The following PTPRD variants were observed in gnomAD, a reference collection of about 807,000 sequenced individuals.
PTPRD encodes protein tyrosine phosphatase receptor type D, also known as receptor-type tyrosine-protein phosphatase delta.
Under a neutral mutation model 214.5 loss-of-function variants are expected in PTPRD, and 34 were observed. That is an observed-to-expected ratio of 0.16 (90% CI 0.12 to 0.21). The LOEUF is 0.21. Ranked by LOEUF, PTPRD falls within the 10% of genes least tolerant of loss-of-function variation. The pLI, the probability that PTPRD is intolerant of heterozygous loss-of-function variation, is 1.00. For missense variants in PTPRD, 2,545 were observed against 2,398.7 expected, an observed-to-expected ratio of 1.06 and a Z score of -1.27; for synonymous variants, 1,128 against 845.7, an observed-to-expected ratio of 1.33 and a Z score of -5.79.
At chr9:8,831,872 A>G (rs1046069536) in intron 11 of PTPRD, among the ~76,000 whole-genome samples, 9 of 151,440 alleles carry the variant, frequency 5.9e-5, no homozygotes, top group Non-Finnish European at 1.0e-4. Context: ...CCAAATCACA[A>G]CGTTTTATGA....
chr9:8,483,433 C>A (rs1429141072), intron 30 of PTPRD, among the ~76,000 whole-genome samples: 3 of 152,080 alleles, frequency 2.0e-5, no homozygotes, highest in African/African-American at 7.2e-5. Context: ...CACCTATTCA[C>A]CTTATTCCAT....
chr9:9,814,820 T>C (rs1261755702), intron 5 of PTPRD, among the ~76,000 whole-genome samples: 1 of 131,030 alleles, frequency 7.6e-6, no homozygotes, highest in Non-Finnish European at 1.6e-5. Flanking sequence ...TTTTTTTCGA[T>C]ACAGAATTTC....
intron 37 of PTPRD, among the ~76,000 whole-genome samples, chr9:8,384,289 A>G (rs934700759): frequency 2.0e-5 from 3 of 152,150 alleles, no homozygotes; most frequent in Non-Finnish European, 2.9e-5. Flanking sequence ...GCTTATTGGC[A>G]TGTTATGAAA....
intron 8 of PTPRD, among the ~76,000 whole-genome samples, chr9:9,502,314 T>C (rs1195864660): frequency 6.6e-6 from 1 of 151,920 alleles, no homozygotes; most frequent in East Asian, 1.9e-4. Flanking sequence ...TTATACGCTC[T>C]GCTGCTGTGA....
At chr9:9,392,637 C>T (rs1316364100) in intron 9 of PTPRD, among the ~76,000 whole-genome samples, 1 of 152,070 alleles carries the variant, frequency 6.6e-6, no homozygotes, top group Non-Finnish European at 1.5e-5. Context: ...ATAAAGAGAT[C>T]CTTTCAAAGT....
At chr9:8,321,982 A>C (rs1027249370) in intron 44 of PTPRD, among the ~76,000 whole-genome samples, 1 of 151,936 alleles carries the variant, frequency 6.6e-6, no homozygotes, top group African/African-American at 2.4e-5. Flanking sequence ...GTAATATTTC[A>C]AATTTTTTCA....
chr9:9,634,251 T>C (rs536806907), intron 7 of PTPRD, among the ~76,000 whole-genome samples: 1 of 152,088 alleles, frequency 6.6e-6, no homozygotes, highest in Admixed American at 6.6e-5. Flanking sequence ...CTATAAACAT[T>C]AAAGTACCTA....
intron 11 of PTPRD, among the ~76,000 whole-genome samples, chr9:8,895,249 G>A (rs1262896886): frequency 6.6e-6 from 1 of 152,150 alleles, no homozygotes; most frequent in East Asian, 1.9e-4. Flanking sequence ...AAGCCTCTAT[G>A]AGACTATTTT....
chr9:10,477,387 T>C (rs1206906818), intron 2 of PTPRD, among the ~76,000 whole-genome samples: 1 of 152,020 alleles, frequency 6.6e-6, no homozygotes, highest in Non-Finnish European at 1.5e-5. Flanking sequence ...AAAAAGCTCA[T>C]CATCAGTGGT....
In PTPRD at chr9:8,982,941, C is replaced by T. The variant is rs566979564; in HGVS notation, c.-104+35756G>A. Among the ~76,000 whole-genome samples, 11 of 152,098 alleles carry T rather than the reference C, an allele frequency of 7.2e-5. No individual in the cohort carries two copies. In the South Asian group the frequency reaches 2.3e-3, roughly 32 times the overall value. On this transcript the variant is annotated intron_variant, in intron 11 of 45. Coordinates refer to ENST00000381196, the MANE Select transcript of PTPRD (RefSeq NM_002839.4). Reference sequence around the variant, plus strand: ...AATGTGGTCTCTCTGCATAGGGATACACTCTAGGGCTGACATTTGAGATTG... The same window carrying T: ...AATGTGGTCTCTCTGCATAGGGATATACTCTAGGGCTGACATTTGAGATTG...
intron 30 of PTPRD, among the ~76,000 whole-genome samples, chr9:8,481,759 T>C (rs1247459802): frequency 2.0e-5 from 3 of 150,820 alleles, no homozygotes; most frequent in Non-Finnish European, 4.4e-5. Context: ...TAACAACTCC[T>C]AAATGCATAT....
chr9:8,799,499 G>T (rs966220750), intron 11 of PTPRD, among the ~76,000 whole-genome samples: 1 of 152,166 alleles, frequency 6.6e-6, no homozygotes, highest in Non-Finnish European at 1.5e-5. Context: ...GAATGCATTT[G>T]GTTGACAGGC....
chr9:8,474,125 G>C (rs1294967942), intron 30 of PTPRD, among the ~76,000 whole-genome samples: 1 of 152,084 alleles, frequency 6.6e-6, no homozygotes, highest in Non-Finnish European at 1.5e-5. Flanking sequence ...GTCAGGGTTT[G>C]GGGTTTCTTT....
At chr9:10,258,902 G>C (rs2498621) in intron 3 of PTPRD, among the ~76,000 whole-genome samples, 23,656 of 152,206 alleles carry the variant, frequency 0.16, 1,941 homozygotes, top group African/African-American at 0.19. Context: ...GAATGGATTT[G>C]TGCAAATAAA....
At chr9:8,591,872 A>C (rs1279436223) in intron 14 of PTPRD, among the ~76,000 whole-genome samples, 1 of 152,150 alleles carries the variant, frequency 6.6e-6, no homozygotes, top group African/African-American at 2.4e-5. Context: ...GTAAAGAGCT[A>C]GTTGGCCATA....
intron 8 of PTPRD, among the ~76,000 whole-genome samples, chr9:9,418,215 G>A (rs1023544183): frequency 1.3e-5 from 2 of 151,990 alleles, no homozygotes; most frequent in Non-Finnish European, 2.9e-5. Flanking sequence ...TGAAGGAAAT[G>A]CTCAATGATG....
chr9:10,487,614 A>G (rs1435859273), intron 2 of PTPRD, among the ~76,000 whole-genome samples: 2 of 152,106 alleles, frequency 1.3e-5, no homozygotes, highest in Non-Finnish European at 2.9e-5. Context: ...AGAAGACCAA[A>G]TACGGCATGT....
At chr9:8,811,698 T>G (rs2096807902) in intron 11 of PTPRD, among the ~76,000 whole-genome samples, 1 of 152,208 alleles carries the variant, frequency 6.6e-6, no homozygotes, top group Admixed American at 6.5e-5. Context: ...TATGTGCTTT[T>G]TCATATCACT....
At chr9:9,277,803 G>A (rs775618246) in intron 9 of PTPRD, among the ~76,000 whole-genome samples, 4 of 151,236 alleles carry the variant, frequency 2.6e-5, no homozygotes, top group Non-Finnish European at 4.4e-5. Flanking sequence ...ACCATTGTGG[G>A]CTCTCAAACT....
Sources: gnomAD v4.1 joint callset for allele counts (sites outside exome capture counted in the v4.1 genomes callset) on GRCh38, gnomAD v4.1.1 for gene constraint, MANE v1.5 for transcripts, NCBI Gene and HGNC (gene_info 2026-07-23, HGNC 2026-07-21) for gene names.